The following ZNF385D variants were observed in gnomAD, a reference collection of about 807,000 sequenced individuals.
ZNF385D encodes zinc finger protein 659.
A neutral mutation model predicts 35.8 loss-of-function variants in ZNF385D; 15 were observed. The observed-to-expected ratio is 0.42, with a 90% CI of 0.28 to 0.64. The LOEUF is 0.64. Ranked by LOEUF, ZNF385D falls within the 30% of genes least tolerant of loss-of-function variation. The pLI, the probability that ZNF385D is intolerant of heterozygous loss-of-function variation, is 0.23. For synonymous variants in ZNF385D, 212 were observed against 186.8 expected (o/e 1.13, Z -1.10); for missense variants, 474 against 494.6 (o/e 0.96, Z 0.39).
chr3:22,163,482 T>C (rs1284832148), intron 3 of ZNF385D, among the ~76,000 whole-genome samples: 2 of 152,184 alleles, frequency 1.3e-5, no homozygotes, highest in Non-Finnish European at 2.9e-5. Context: ...GTAAAACATA[T>C]TTTTCTCAGA....
upstream of ZNF385D, among the ~76,000 whole-genome samples, chr3:21,754,429 G>A (rs996552952): frequency 6.6e-6 from 1 of 152,110 alleles, no homozygotes; most frequent in Non-Finnish European, 1.5e-5. Context: ...CTGCTTGCCA[G>A]ATAAAATTAT....
At chr3:22,132,397 T>C (rs1414884480) in intron 3 of ZNF385D, among the ~76,000 whole-genome samples, 6 of 152,152 alleles carry the variant, frequency 3.9e-5, no homozygotes, top group Non-Finnish European at 8.8e-5. Flanking sequence ...ATTTCTGCTA[T>C]TTAAAATCTA....
chr3:21,609,438 A>G (rs1029905595), intron 2 of ZNF385D, among the ~76,000 whole-genome samples: 1 of 152,234 alleles, frequency 6.6e-6, no homozygotes, highest in Non-Finnish European at 1.5e-5. Flanking sequence ...TCATTTATGG[A>G]GAATGCTATC....
At chr3:21,701,060 G>C (rs545449109) in intron 1 of ZNF385D, among the ~76,000 whole-genome samples, 1 of 152,234 alleles carries the variant, frequency 6.6e-6, no homozygotes, top group Middle Eastern at 3.4e-3. Context: ...CAATCTGAAG[G>C]CAGAATGAGT....
intron 3 of ZNF385D, among the ~76,000 whole-genome samples, chr3:21,833,120 T>C (rs920072881): frequency 9.9e-5 from 15 of 152,158 alleles, no homozygotes; most frequent in Admixed American, 2.0e-4. Flanking sequence ...CTGTACCAGA[T>C]ACTGTGTTGT....
At chr3:21,669,903 A>T (rs2066510936) in intron 1 of ZNF385D, among the ~76,000 whole-genome samples, 1 of 152,098 alleles carries the variant, frequency 6.6e-6, no homozygotes, top group South Asian at 2.1e-4. Context: ...ACTCCATGAG[A>T]GTGCGGTGGT....
intron 5 of ZNF385D, among the ~76,000 whole-genome samples, chr3:21,427,029 C>A (rs542617297): frequency 6.6e-6 from 1 of 152,210 alleles, no homozygotes; most frequent in Admixed American, 6.5e-5. Context: ...GAAGATAGGA[C>A]GAATTGAAAC....
intron 3 of ZNF385D, among the ~76,000 whole-genome samples, chr3:22,155,728 G>A (rs1258569529): frequency 2.0e-5 from 3 of 151,932 alleles, no homozygotes; most frequent in East Asian, 1.9e-4. Flanking sequence ...ATTGGATTTT[G>A]GTAGAAGAAT....
At chr3:21,801,671 C>T (rs532621775) in intron 3 of ZNF385D, among the ~76,000 whole-genome samples, 3 of 152,238 alleles carry the variant, frequency 2.0e-5, no homozygotes, top group African/African-American at 7.2e-5. Flanking sequence ...GGGAGCTAAA[C>T]TCACGCAGCT....
At chr3:22,066,408 CTGTG>C (rs1302160225) in intron 3 of ZNF385D, among the ~76,000 whole-genome samples, 2 of 139,282 alleles carry the variant, frequency 1.4e-5, no homozygotes, top group African/African-American at 2.8e-5. Flanking sequence ...AGATGGTTCC[CTGTG>C]TGTGTGTCTG....
At chr3:22,240,753 T>C (rs1321235756) in intron 2 of ZNF385D, among the ~76,000 whole-genome samples, 1 of 151,012 alleles carries the variant, frequency 6.6e-6, no homozygotes, top group Non-Finnish European at 1.5e-5. Context: ...GTAATTGTAC[T>C]TGTATATGTC....
At chr3:22,097,250 A>T (rs1026645666) in intron 3 of ZNF385D, among the ~76,000 whole-genome samples, 1 of 152,074 alleles carries the variant, frequency 6.6e-6, no homozygotes, top group Non-Finnish European at 1.5e-5. Flanking sequence ...GGTTTGTTAC[A>T]GAGCAATAGA....
intron 3 of ZNF385D, among the ~76,000 whole-genome samples, chr3:21,896,996 T>G (rs1269876626): frequency 6.6e-6 from 1 of 152,034 alleles, no homozygotes; most frequent in African/African-American, 2.4e-5. Context: ...TGAGTTACAA[T>G]TAGAGTATGG....
chr3:22,173,995 T>G (rs1694643742), intron 2 of ZNF385D, among the ~76,000 whole-genome samples: 1 of 149,992 alleles, frequency 6.7e-6, no homozygotes, highest in South Asian at 2.1e-4. Flanking sequence ...ATTATCAGTT[T>G]CAATTAAGAT....
chr3:21,661,702 A>G (rs1424121867), intron 2 of ZNF385D, among the ~76,000 whole-genome samples: 1 of 152,182 alleles, frequency 6.6e-6, no homozygotes, highest in Non-Finnish European at 1.5e-5. Context: ...ATACATTTCT[A>G]GGGAATAGCT....
chr3:21,761,983 A>G (rs919826264), intron 3 of ZNF385D, among the ~76,000 whole-genome samples: 16 of 142,100 alleles, frequency 1.1e-4, no homozygotes, highest in African/African-American at 3.2e-4. Flanking sequence ...GGTTCAAGCA[A>G]TTCTCCTGCC....
chr3:22,063,437 C>A (rs1698429782), intron 3 of ZNF385D, among the ~76,000 whole-genome samples: 1 of 152,132 alleles, frequency 6.6e-6, no homozygotes, highest in African/African-American at 2.4e-5. Flanking sequence ...TACAAAATTT[C>A]ATCTGCAAGC....
At chr3:21,746,943 C>A (rs1175051250) in intron 1 of ZNF385D, among the ~76,000 whole-genome samples, 2 of 151,972 alleles carry the variant, frequency 1.3e-5, no homozygotes, top group Non-Finnish European at 2.9e-5. Flanking sequence ...TTCTAAACAT[C>A]CCAGGGGAAA....
intron 2 of ZNF385D, among the ~76,000 whole-genome samples, chr3:21,641,414 G>A (rs2065601585): frequency 6.6e-6 from 1 of 151,678 alleles, no homozygotes. Flanking sequence ...AACCAATGAG[G>A]AAGAAAAATT....
Sources: gnomAD v4.1 joint callset for allele counts (sites outside exome capture counted in the v4.1 genomes callset) on GRCh38, gnomAD v4.1.1 for gene constraint, MANE v1.5 for transcripts, NCBI Gene and HGNC (gene_info 2026-07-23, HGNC 2026-07-21) for gene names.